Variants in FANK1 observed in about 807,000 individuals in gnomAD.
FANK1 encodes the protein fibronectin type 3 and ankyrin repeat domains protein 1.
A neutral mutation model predicts 45.3 loss-of-function variants in FANK1; 44 were observed. The ratio of observed to expected loss-of-function variants is 0.97; its 90% CI spans 0.76 to 1.25. The LOEUF (loss-of-function observed/expected upper bound fraction) is 1.25. FANK1 is among the 50% of genes most tolerant of loss of function. The pLI is 0.00. For synonymous variants in FANK1, 149 were observed against 152.5 expected (o/e 0.98, Z 0.17); for missense variants, 391 against 424.4 (o/e 0.92, Z 0.69).
Position 126,008,426 on chromosome 10 carries a change from G to C in FANK1, c.725G>C (p.Gly242Ala), listed in dbSNP as rs774899568. The change falls in exon 8 of 11, where the codon GGT becomes GCT. Residue 242 changes from glycine (G) to alanine (A), a missense_variant. Gly to Ala is a moderately conservative substitution (Grantham distance 60, BLOSUM62 0). Transcript: ENST00000368693. ...DGCEVDVVDT[G>A]SGWTPLMRVS... is the part of the protein sequence containing the mutation. The stretch of plus-strand genomic sequence containing the variant: ...CAACAGGTAGACGTCGTGGACACTG[G>C]TTCAGGATGGACCCCACTCATGAGA... 23 of 1,610,138 alleles carry C rather than the reference G, an allele frequency of 1.4e-5. No individual in the cohort carries two copies. Among genetic ancestry groups the C allele is most frequent in the Non-Finnish European group, 2.0e-5 (23 of 1,178,284 alleles).
At chr10:126,005,573 G>C (rs1953135451) in intron 7 of FANK1, among the ~76,000 whole-genome samples, 1 of 152,150 alleles carries the variant, frequency 6.6e-6, no homozygotes. Context: ...CTCCCAAAGT[G>C]CTGGGATTAC....
At chr10:125,936,654 C>T (rs924894233) in intron 1 of FANK1, among the ~76,000 whole-genome samples, 3 of 152,100 alleles carry the variant, frequency 2.0e-5, no homozygotes, top group Admixed American at 6.6e-5. Flanking sequence ...AAGATTAATC[C>T]ATATTGTTGT....
chr10:125,952,775 G>A (rs1029268000), intron 1 of FANK1, among the ~76,000 whole-genome samples: 1 of 145,946 alleles, frequency 6.9e-6, no homozygotes, highest in Admixed American at 6.9e-5. Context: ...GACCTTTGCT[G>A]CTGTGGTGCC....
intron 1 of FANK1, chr10:125,960,246 G>T (rs1949835773): frequency 3.4e-6 from 1 of 296,430 alleles, no homozygotes; most frequent in South Asian, 3.5e-5. Flanking sequence ...GTTACTTCCT[G>T]CTGGAACACT....
chr10:125,957,462 T>A (rs1260968133), intron 1 of FANK1, among the ~76,000 whole-genome samples: 1 of 152,074 alleles, frequency 6.6e-6, no homozygotes, highest in African/African-American at 2.4e-5. Context: ...TAACATTTTG[T>A]ATGGTTCAGG....
intron 6 of FANK1, chr10:126,004,614 A>G (rs571608684): frequency 2.6e-6 from 1 of 381,228 alleles, no homozygotes; most frequent in Non-Finnish European, 4.9e-6. Flanking sequence ...ATGGAATCAG[A>G]CAATATGTGG....
chr10:125,913,275 C>T (rs571642550), intron 1 of FANK1, among the ~76,000 whole-genome samples: 13 of 152,096 alleles, frequency 8.5e-5, no homozygotes, highest in Non-Finnish European at 1.3e-4. Context: ...GACACCTAAA[C>T]GCTGCATGAC....
chr10:125,968,732 A>G (rs1392216352), intron 1 of FANK1, among the ~76,000 whole-genome samples: 1 of 152,074 alleles, frequency 6.6e-6, no homozygotes, highest in Admixed American at 6.5e-5. Context: ...TTCTTTTACA[A>G]TCCTTTTAAA....
chr10:125,994,522 G>A (rs1246486049), intron 3 of FANK1: 3 of 985,276 alleles, frequency 3.0e-6, no homozygotes, highest in Admixed American at 6.1e-5. Flanking sequence ...GACGATGGTA[G>A]CTGCTGTACT....
At chr10:125,934,724 G>GCTTTTTTTTTTTTTTTTTTTTTT (rs1564888158) in intron 1 of FANK1, among the ~76,000 whole-genome samples, 1 of 26,418 alleles carries the variant, frequency 3.8e-5, no homozygotes, top group African/African-American at 1.3e-4. Flanking sequence ...TACCCCTACC[G>GCTTTTTTTTTTTTTTTTTTTTTT]TTTTTTTTTT....
At chr10:125,955,812 G>T (rs1949539264) in intron 1 of FANK1, among the ~76,000 whole-genome samples, 1 of 152,096 alleles carries the variant, frequency 6.6e-6, no homozygotes, top group South Asian at 2.1e-4. Flanking sequence ...GATCTCAGTT[G>T]TATGCTTCAT....
chr10:125,925,707 G>A (rs75401113), intron 1 of FANK1, among the ~76,000 whole-genome samples: 5 of 152,070 alleles, frequency 3.3e-5, no homozygotes, highest in Non-Finnish European at 7.3e-5. Context: ...CCTCTGATAC[G>A]TATTTTAATA....
At chr10:125,978,067 C>G (rs1950962885) in intron 1 of FANK1, among the ~76,000 whole-genome samples, 1 of 151,856 alleles carries the variant, frequency 6.6e-6, no homozygotes, top group Non-Finnish European at 1.5e-5. Context: ...AGTCTGCCCA[C>G]TTTTCCATAG....
At chr10:126,001,457 T>C (rs1176291639) in intron 6 of FANK1, among the ~76,000 whole-genome samples, 1 of 149,682 alleles carries the variant, frequency 6.7e-6, no homozygotes, top group Non-Finnish European at 1.5e-5. Flanking sequence ...AATGTGACCC[T>C]GAGCAGGGGA....
intron 1 of FANK1, among the ~76,000 whole-genome samples, chr10:125,918,585 A>AATATATATATATATATAT (rs1197525883): frequency 6.6e-4 from 47 of 70,958 alleles, no homozygotes; most frequent in African/African-American, 3.2e-3. Flanking sequence ...AAAAAAAAAA[A>AATATATATATATATATAT]ATATATATAT....
At chr10:125,945,636 T>C (rs1026287008) in intron 1 of FANK1, among the ~76,000 whole-genome samples, 1 of 151,876 alleles carries the variant, frequency 6.6e-6, no homozygotes, top group African/African-American at 2.4e-5. Context: ...AGCACAGCAG[T>C]CTGAGATCAA....
chr10:126,006,981 C>G (rs1379281804), intron 7 of FANK1: 3 of 152,194 alleles, frequency 2.0e-5, no homozygotes, highest in Admixed American at 1.3e-4. Context: ...TAAATTCCAT[C>G]TTTCTTTGAA....
At chr10:125,921,763 A>G (rs1202845777) in intron 1 of FANK1, among the ~76,000 whole-genome samples, 1 of 152,152 alleles carries the variant, frequency 6.6e-6, no homozygotes, top group Non-Finnish European at 1.5e-5. Context: ...TTTTTGTAGT[A>G]TCCATTCTAG....
chr10:125,930,645 T>C (rs1947691849), intron 1 of FANK1, among the ~76,000 whole-genome samples: 1 of 152,140 alleles, frequency 6.6e-6, no homozygotes, highest in African/African-American at 2.4e-5. Flanking sequence ...CCCATCTTCA[T>C]TGTTCTTCAG....
Sources: allele counts gnomAD v4.1 joint callset (sites outside exome capture counted in the v4.1 genomes callset), GRCh38; gene constraint gnomAD v4.1.1; transcripts MANE v1.5; gene names NCBI Gene and HGNC (gene_info 2026-07-23, HGNC 2026-07-21).